KHDRBS2: variants seen among roughly 807,000 people sequenced by gnomAD.
KHDRBS2 encodes the protein KH RNA binding domain containing, signal transduction associated 2.
Under a neutral mutation model 44.3 loss-of-function variants are expected in KHDRBS2, and 26 were observed. The ratio of observed to expected loss-of-function variants is 0.59; its 90% CI spans 0.43 to 0.81. KHDRBS2 has a LOEUF of 0.81. Ranked by LOEUF, KHDRBS2 falls within the 40% of genes least tolerant of loss-of-function variation. KHDRBS2 has a pLI of 0.00. For missense variants in KHDRBS2, 476 were observed against 433.1 expected (o/e 1.10, Z -0.88); for synonymous variants, 194 against 151.1 (o/e 1.28, Z -2.08).
At position 62,086,169 on chromosome 6, in the gene KHDRBS2, G is replaced by T. The variant is rs185647354; in HGVS notation, c.220-38175C>A. On this transcript the variant is annotated intron_variant, in intron 2 of 8. Transcript: ENST00000281156. ...GTGACGCTTGATAGATATATATAAG[G>T]GTAAAGAAGCATGAAATTTAGCTTA... 1.5e-3 allele frequency among the ~76,000 whole-genome samples: 230 copies of T among 152,190 alleles called. 2 individuals are homozygous for T. The highest frequency in any genetic ancestry group is 2.8e-3 in the Non-Finnish European group (191 of 68,008).
At chr6:62,195,702 T>G (rs1334121302) in intron 1 of KHDRBS2, among the ~76,000 whole-genome samples, 1 of 151,990 alleles carries the variant, frequency 6.6e-6, no homozygotes, top group East Asian at 1.9e-4. Flanking sequence ...AATGTAAAAG[T>G]GAATGACATA....
At chr6:61,694,997 G>A (rs1263194212) in intron 8 of KHDRBS2, among the ~76,000 whole-genome samples, 1 of 151,792 alleles carries the variant, frequency 6.6e-6, no homozygotes, top group Admixed American at 6.6e-5. Flanking sequence ...TGCTCATTTT[G>A]GATTAATTAT....
At chr6:62,099,264 C>T (rs1801323679) in intron 2 of KHDRBS2, among the ~76,000 whole-genome samples, 1 of 152,096 alleles carries the variant, frequency 6.6e-6, no homozygotes, top group Non-Finnish European at 1.5e-5. Flanking sequence ...CAGAACACAG[C>T]TTTGTTTATG....
At chr6:61,551,002 G>T in the KHDRBS2 span, among the ~76,000 whole-genome samples, 1 of 151,990 alleles carries the variant, frequency 6.6e-6, no homozygotes, top group African/African-American at 2.4e-5. Flanking sequence ...TGGAACTTCT[G>T]GCCTCGAGTG....
At chr6:62,090,826 A>G (rs1040025055) in intron 2 of KHDRBS2, among the ~76,000 whole-genome samples, 2 of 152,200 alleles carry the variant, frequency 1.3e-5, no homozygotes, top group African/African-American at 4.8e-5. Context: ...AAAGTCTCCT[A>G]AATGGAGGAG....
At chr6:61,994,654 T>A (rs1326997574) in intron 3 of KHDRBS2, among the ~76,000 whole-genome samples, 2 of 152,190 alleles carry the variant, frequency 1.3e-5, no homozygotes, top group Non-Finnish European at 2.9e-5. Flanking sequence ...AATTCTGGTA[T>A]GAGATAAAGG....
intron 6 of KHDRBS2, among the ~76,000 whole-genome samples, chr6:61,822,652 C>T (rs1268912280): frequency 6.6e-6 from 1 of 151,866 alleles, no homozygotes; most frequent in East Asian, 1.9e-4. Flanking sequence ...ATTTATGTGG[C>T]CCTAGCTTAA....
At chr6:61,666,311 T>G in the KHDRBS2 span, among the ~76,000 whole-genome samples, 2 of 151,456 alleles carry the variant, frequency 1.3e-5, no homozygotes, top group Non-Finnish European at 3.0e-5. Flanking sequence ...CTAGAAACAT[T>G]CTTTAGCATG....
At chr6:61,794,416 C>A (rs1271951625) in intron 6 of KHDRBS2, among the ~76,000 whole-genome samples, 1 of 152,098 alleles carries the variant, frequency 6.6e-6, no homozygotes, top group Non-Finnish European at 1.5e-5. Flanking sequence ...TTTTTGTTTT[C>A]TATGGCATGT....
chr6:61,773,092 A>T (rs1327346122), intron 6 of KHDRBS2, among the ~76,000 whole-genome samples: 2 of 152,136 alleles, frequency 1.3e-5, no homozygotes, highest in Non-Finnish European at 2.9e-5. Flanking sequence ...ATAGTGCCAC[A>T]ATAAACATAC....
In KHDRBS2 at chr6:62,186,344, C is replaced by T. The variant is rs115921261; in HGVS notation, c.92-9032G>A. On this transcript the variant is annotated intron_variant, in intron 1 of 8. Transcript: ENST00000281156. Reference sequence around the variant, plus strand: ...CATTTGGTACACAATAAGAGCATAACGAATACTAGCTATTATCATTTTATT... The same window carrying T: ...CATTTGGTACACAATAAGAGCATAATGAATACTAGCTATTATCATTTTATT... Among the ~76,000 whole-genome samples the T allele has an allele frequency of 4.5e-4, 69 of 152,178 alleles. 1 individual carries two copies. The highest frequency in any genetic ancestry group is 1.7e-3 in the African/African-American group (69 of 41,564).
chr6:61,641,413 C>A, the KHDRBS2 span, among the ~76,000 whole-genome samples: 1 of 152,260 alleles, frequency 6.6e-6, no homozygotes, highest in African/African-American at 2.4e-5. Context: ...AAACTGTAAA[C>A]CAACTGAACT....
intron 6 of KHDRBS2, among the ~76,000 whole-genome samples, chr6:61,887,574 A>C (rs2127324405): frequency 6.6e-6 from 1 of 152,312 alleles, no homozygotes; most frequent in African/African-American, 2.4e-5. Context: ...GTTTCTTGTC[A>C]GGCCAGCTGC....
chr6:62,074,969 T>A (rs2127349080), intron 2 of KHDRBS2, among the ~76,000 whole-genome samples: 1 of 152,066 alleles, frequency 6.6e-6, no homozygotes, highest in East Asian at 1.9e-4. Context: ...CTTTTAAAAT[T>A]ATGATTTTGA....
the KHDRBS2 span, among the ~76,000 whole-genome samples, chr6:61,602,313 A>G: frequency 6.6e-6 from 1 of 152,162 alleles, no homozygotes; most frequent in African/African-American, 2.4e-5. Context: ...AAGAACTTCC[A>G]AAGGCTTGAA....
At chr6:61,793,403 T>G (rs1409874177) in intron 6 of KHDRBS2, among the ~76,000 whole-genome samples, 1 of 151,996 alleles carries the variant, frequency 6.6e-6, no homozygotes, top group Non-Finnish European at 1.5e-5. Context: ...GACACAAATA[T>G]CTCAATTATT....
At chr6:62,248,082 C>A (rs1396061142) in intron 1 of KHDRBS2, among the ~76,000 whole-genome samples, 1 of 151,876 alleles carries the variant, frequency 6.6e-6, no homozygotes, top group Admixed American at 6.6e-5. Flanking sequence ...CAGTTATTAG[C>A]CTAGAGTTGT....
At chr6:62,230,106 T>A (rs1436994017) in intron 1 of KHDRBS2, among the ~76,000 whole-genome samples, 3 of 152,240 alleles carry the variant, frequency 2.0e-5, no homozygotes, top group Admixed American at 6.5e-5. Context: ...CTGAATGTAG[T>A]ATGTCCTTTA....
chr6:61,570,804 TG>T, the KHDRBS2 span, among the ~76,000 whole-genome samples: 1 of 152,156 alleles, frequency 6.6e-6, no homozygotes, highest in Non-Finnish European at 1.5e-5. Context: ...CCAAGACTTT[TG>T]TATCCAGAAA....
Sources: allele counts gnomAD v4.1 joint callset (sites outside exome capture counted in the v4.1 genomes callset), GRCh38; gene constraint gnomAD v4.1.1; transcripts MANE v1.5; gene names NCBI Gene and HGNC (gene_info 2026-07-23, HGNC 2026-07-21).